The following PTPRT variants were observed in gnomAD, a reference collection of about 807,000 sequenced individuals.
PTPRT encodes the protein receptor-type tyrosine-protein phosphatase T.
PTPRT carries 56 observed loss-of-function variants against 176.8 expected under a neutral mutation model. That is an observed-to-expected ratio of 0.32 (90% confidence interval 0.26 to 0.40). PTPRT has a LOEUF of 0.40. Ranked by LOEUF, PTPRT falls within the 10% of genes least tolerant of loss-of-function variation. The probability of loss-of-function intolerance (pLI) is 1.00; values close to 1 mark genes in which losing one functional copy is unlikely to be tolerated. For missense variants in PTPRT, 1,540 were observed against 1,908.2 expected (o/e 0.81, Z 3.60); for synonymous variants, 783 against 739.0 (o/e 1.06, Z -0.96).
chr20:42,694,289 T>G (rs2075838442), intron 6 of PTPRT, among the ~76,000 whole-genome samples: 1 of 152,062 alleles, frequency 6.6e-6, no homozygotes, highest in African/African-American at 2.4e-5. Flanking sequence ...CCACCTGCCT[T>G]GGCCTCCTAA....
intron 13 of PTPRT, chr20:42,270,521 A>C (rs2056916575): frequency 7.1e-7 from 1 of 1,418,418 alleles, no homozygotes; most frequent in South Asian, 1.2e-5. Flanking sequence ...CACACATGAA[A>C]ACGTGCAGCA....
chr20:42,704,065 A>G (rs904494941), intron 6 of PTPRT, among the ~76,000 whole-genome samples: 1 of 152,174 alleles, frequency 6.6e-6, no homozygotes, highest in Non-Finnish European at 1.5e-5. Flanking sequence ...GACAAAACCA[A>G]GGTCACTGTG....
chr20:42,455,444 C>G (rs2070905160), intron 8 of PTPRT, among the ~76,000 whole-genome samples: 1 of 152,194 alleles, frequency 6.6e-6, no homozygotes, highest in Admixed American at 6.5e-5. Flanking sequence ...TAAACTACTT[C>G]CATTTGTATC....
At chr20:42,825,548 T>C (rs6103056) in intron 2 of PTPRT, among the ~76,000 whole-genome samples, 3,552 of 152,290 alleles carry the variant, frequency 0.023, 133 homozygotes, top group African/African-American at 0.077. Flanking sequence ...TATGAGCATA[T>C]GCATACACAT....
chr20:43,087,148 TTC>T (rs2011630735), intron 1 of PTPRT, among the ~76,000 whole-genome samples: 1 of 152,216 alleles, frequency 6.6e-6, no homozygotes, highest in African/African-American at 2.4e-5. Context: ...TGAATCTAAT[TTC>T]TGTCTCTATA....
intron 6 of PTPRT, among the ~76,000 whole-genome samples, chr20:42,698,241 G>T (rs1019772345): frequency 6.6e-6 from 1 of 152,182 alleles, no homozygotes; most frequent in Non-Finnish European, 1.5e-5. Context: ...GCTGATGTGA[G>T]CACATTTAGG....
the PTPRT span, among the ~76,000 whole-genome samples, chr20:42,048,558 G>A: frequency 6.6e-6 from 1 of 152,132 alleles, no homozygotes; most frequent in East Asian, 1.9e-4. Flanking sequence ...CACATGGAGA[G>A]TCTGCATGTA....
At chr20:43,070,807 A>G (rs1268294994) in intron 1 of PTPRT, among the ~76,000 whole-genome samples, 1 of 151,698 alleles carries the variant, frequency 6.6e-6, no homozygotes, top group Non-Finnish European at 1.5e-5. Context: ...GGGGAACATC[A>G]CACACTGGGG....
chr20:43,186,819 G>A (rs1342207635), intron 1 of PTPRT, among the ~76,000 whole-genome samples: 1 of 152,192 alleles, frequency 6.6e-6, no homozygotes, highest in South Asian at 2.1e-4. Flanking sequence ...GGTATCCAAC[G>A]GTGATTATTG....
intron 1 of PTPRT, among the ~76,000 whole-genome samples, chr20:43,036,430 A>T (rs1209499652): frequency 1.3e-5 from 2 of 152,216 alleles, no homozygotes; most frequent in African/African-American, 4.8e-5. Context: ...AAAAGGAGAA[A>T]AATGCAACCT....
chr20:42,645,355 A>C (rs893301974), intron 7 of PTPRT, among the ~76,000 whole-genome samples: 1 of 152,136 alleles, frequency 6.6e-6, no homozygotes, highest in Non-Finnish European at 1.5e-5. Context: ...TGGGTGGATA[A>C]ATACCCTAAC....
chr20:42,737,250 A>G (rs923287807), intron 6 of PTPRT, among the ~76,000 whole-genome samples: 58 of 152,334 alleles, frequency 3.8e-4, no homozygotes, highest in African/African-American at 1.3e-3. Context: ...AGAGAGAAGA[A>G]GGCCATGTGA....
chr20:43,108,966 T>G (rs1288811521), intron 1 of PTPRT, among the ~76,000 whole-genome samples: 1 of 152,192 alleles, frequency 6.6e-6, no homozygotes, highest in Non-Finnish European at 1.5e-5. Context: ...TAATCTAGAA[T>G]GAAGTCACTT....
chr20:42,416,660 T>G (rs1476658144), intron 9 of PTPRT, among the ~76,000 whole-genome samples: 4 of 152,156 alleles, frequency 2.6e-5, no homozygotes, highest in African/African-American at 7.2e-5. Flanking sequence ...ATCTCCTGGT[T>G]AAAGAGATAA....
intron 7 of PTPRT, among the ~76,000 whole-genome samples, chr20:42,581,338 T>C (rs1297549011): frequency 6.6e-6 from 1 of 152,218 alleles, no homozygotes; most frequent in Non-Finnish European, 1.5e-5. Flanking sequence ...CCTTTTAGCA[T>C]ACCATGAACT....
intron 7 of PTPRT, among the ~76,000 whole-genome samples, chr20:42,506,026 C>A (rs2071837969): frequency 6.6e-6 from 1 of 152,076 alleles, no homozygotes; most frequent in Non-Finnish European, 1.5e-5. Context: ...CACTTTCAGG[C>A]AGAAAGATGC....
At chr20:43,178,185 A>G (rs2015164227) in intron 1 of PTPRT, among the ~76,000 whole-genome samples, 1 of 152,150 alleles carries the variant, frequency 6.6e-6, no homozygotes, top group Non-Finnish European at 1.5e-5. Flanking sequence ...AATGATCTCA[A>G]AACTGCAACT....
chr20:43,016,927 ATC>A (rs1158570200), intron 1 of PTPRT, among the ~76,000 whole-genome samples: 6 of 152,162 alleles, frequency 3.9e-5, no homozygotes, highest in African/African-American at 1.4e-4. Flanking sequence ...GTATTCCCCC[ATC>A]TCTGTTTCTC....
intron 16 of PTPRT, among the ~76,000 whole-genome samples, chr20:42,182,912 G>GTGTGTA (rs993790260): frequency 2.3e-5 from 2 of 86,068 alleles, no homozygotes; most frequent in Admixed American, 2.0e-4. Flanking sequence ...GCAGGGGTGT[G>GTGTGTA]TGTGTGTGTG....
Sources: allele counts gnomAD v4.1 joint callset (sites outside exome capture counted in the v4.1 genomes callset), GRCh38; gene constraint gnomAD v4.1.1; transcripts MANE v1.5; gene names NCBI Gene and HGNC (gene_info 2026-07-23, HGNC 2026-07-21).